The following SEMA6A variants were observed in gnomAD, a reference collection of about 807,000 sequenced individuals.
SEMA6A encodes the protein semaphorin 6A.
A neutral mutation model predicts 96.8 loss-of-function variants in SEMA6A; 25 were observed. That is an observed-to-expected ratio of 0.26 (90% confidence interval 0.19 to 0.36). The LOEUF (loss-of-function observed/expected upper bound fraction) is 0.36, where lower values mean the gene tolerates loss of function less well. Ranked by LOEUF, SEMA6A falls within the 10% of genes least tolerant of loss-of-function variation. The pLI is 1.00. For synonymous variants in SEMA6A, 612 were observed against 518.0 expected (o/e 1.18, Z -2.46); for missense variants, 1,363 against 1,323.1 (o/e 1.03, Z -0.47).
intron 18 of SEMA6A, among the ~76,000 whole-genome samples, chr5:116,457,933 G>C (rs1056636476): frequency 2.0e-5 from 3 of 152,122 alleles, no homozygotes; most frequent in Non-Finnish European, 4.4e-5. Flanking sequence ...GCGTGATGTA[G>C]TTAGTTTGAG....
chr5:116,463,910 C>A (rs953376128), intron 18 of SEMA6A, among the ~76,000 whole-genome samples: 1 of 152,206 alleles, frequency 6.6e-6, no homozygotes, highest in African/African-American at 2.4e-5. Flanking sequence ...ACACAGCTCT[C>A]TTGGCTGCTC....
intron 12 of SEMA6A, among the ~76,000 whole-genome samples, chr5:116,479,303 T>C (rs188291800): frequency 6.6e-6 from 1 of 152,212 alleles, no homozygotes; most frequent in Non-Finnish European, 1.5e-5. Context: ...TAAGTCCTAC[T>C]AGCAATTTGC....
intron 18 of SEMA6A, among the ~76,000 whole-genome samples, chr5:116,448,348 A>AAAAG (rs1393439062): frequency 6.6e-6 from 1 of 151,972 alleles, no homozygotes; most frequent in Admixed American, 6.6e-5. Context: ...CCGTTTCAAA[A>AAAAG]AAAGAAAGAA....
chr5:116,455,806 T>C, intron 18 of SEMA6A, among the ~76,000 whole-genome samples: 1 of 152,170 alleles, frequency 6.6e-6, no homozygotes, highest in East Asian at 1.9e-4. Flanking sequence ...TTTGAGCTCA[T>C]AAAGACCTGG....
intron 1 of SEMA6A, among the ~76,000 whole-genome samples, chr5:116,553,240 T>A (rs74437381): frequency 0.051 from 7,837 of 152,314 alleles, 259 homozygotes; most frequent in African/African-American, 0.088. Context: ...TACCTTTCAG[T>A]ACTTGAAAAT....
At chr5:116,535,530 C>T (rs1331632371) in intron 1 of SEMA6A, among the ~76,000 whole-genome samples, 1 of 152,004 alleles carries the variant, frequency 6.6e-6, no homozygotes, top group Non-Finnish European at 1.5e-5. Flanking sequence ...AAGGTAATAC[C>T]ACAGTTATGC....
At position 116,504,949 on chromosome 5, in the gene SEMA6A, G is replaced by T. The variant is rs757459469; in HGVS notation, c.-5C>A. On this transcript the variant is annotated 5_prime_UTR_variant, in exon 2 of 19. Coordinates refer to ENST00000343348, the MANE Select transcript of SEMA6A (RefSeq NM_020796.5). ...CAGCAAGGCTTCTGACCTCATAGTA[G>T]TTCAGCGGGGAGACTTTATTTCTCT... 5 of 1,574,594 alleles carry T rather than the reference G, an allele frequency of 3.2e-6. No individual in the cohort carries two copies. The highest frequency in any genetic ancestry group is 1.8e-5 in the Admixed American group (1 of 55,378).
chr5:116,467,552 C>T, intron 18 of SEMA6A, 31 bp downstream of exon 18: 1 of 1,586,768 alleles, frequency 6.3e-7, no homozygotes, highest in Non-Finnish European at 8.6e-7. Flanking sequence ...TCCCTCTCCC[C>T]CGAGAGGAAG....
chr5:116,568,881 G>T (rs1290439699), intron 1 of SEMA6A, among the ~76,000 whole-genome samples: 1 of 152,098 alleles, frequency 6.6e-6, no homozygotes, highest in Non-Finnish European at 1.5e-5. Flanking sequence ...ACACATGCAT[G>T]CATGAAGTAT....
chr5:116,517,964 C>T (rs925264910), intron 1 of SEMA6A, among the ~76,000 whole-genome samples: 2 of 152,342 alleles, frequency 1.3e-5, no homozygotes, highest in South Asian at 2.1e-4. Context: ...TGCCTGGTCA[C>T]GGCATTTTCC....
chr5:116,489,803 C>T (rs1025582861), intron 7 of SEMA6A, among the ~76,000 whole-genome samples: 1 of 152,182 alleles, frequency 6.6e-6, no homozygotes, highest in Admixed American at 6.5e-5. Context: ...AGTCTCTAGA[C>T]CTTTTTGGTT....
At chr5:116,503,050 T>A (rs796471221) in intron 2 of SEMA6A, among the ~76,000 whole-genome samples, 9 of 152,332 alleles carry the variant, frequency 5.9e-5, no homozygotes, top group African/African-American at 1.7e-4. Flanking sequence ...CACTTCTCTT[T>A]GGCTGAGAGT....
intron 1 of SEMA6A, among the ~76,000 whole-genome samples, chr5:116,546,199 G>A (rs1336791913): frequency 6.6e-6 from 1 of 152,192 alleles, no homozygotes; most frequent in African/African-American, 2.4e-5. Flanking sequence ...TTGCCCACAT[G>A]GCCTTGGGGC....
rs1756596866 is a variant in SEMA6A at position 116,478,730 on chromosome 5, G to C, written c.1251-12C>G. The C allele has an allele frequency of 2.4e-5, 38 of 1,609,688 alleles. No individual in the cohort carries two copies. The highest frequency in any genetic ancestry group is 3.2e-5 in the Non-Finnish European group (38 of 1,178,172). Reference sequence around the variant, plus strand: ...TGGTAAGGCGGTATCTAAAATGACAGGACCACATTTCTTATCTCTTTGTTG... The same window carrying C: ...TGGTAAGGCGGTATCTAAAATGACACGACCACATTTCTTATCTCTTTGTTG... On this transcript the variant is annotated splice_polypyrimidine_tract_variant and intron_variant, in intron 12 of 18. Transcript: ENST00000343348.
At chr5:116,520,859 A>G (rs1040486474) in intron 1 of SEMA6A, among the ~76,000 whole-genome samples, 1 of 152,172 alleles carries the variant, frequency 6.6e-6, no homozygotes, top group African/African-American at 2.4e-5. Flanking sequence ...CTTTCCTCCC[A>G]CGTAGTGAGG....
rs763716485 is a variant in SEMA6A, at chr5:116,488,896, C to A, written c.647G>T (p.Trp216Leu). ...TLRTVKHDSK[W>L]LKEPYFVQAV... ...TTTAATTGTTTGTTCACCTTTCAAC[C>A]ATTTTGAATCGTGCTTGACGGTCCG... is the stretch of plus-strand genomic sequence containing the variant. The change falls in exon 8 of 19, where the codon TGG (tryptophan) becomes TTG (leucine). Residue 216 changes from tryptophan to leucine, a missense_variant. Transcript: ENST00000343348. The A allele has an allele frequency of 6.4e-7, 1 of 1,571,700 alleles. No homozygotes were observed. The highest frequency in any genetic ancestry group is 1.3e-5 in the African/African-American group (1 of 74,278).
chr5:116,457,750 A>G (rs1411292539), intron 18 of SEMA6A, among the ~76,000 whole-genome samples: 5 of 152,144 alleles, frequency 3.3e-5, no homozygotes, highest in African/African-American at 1.2e-4. Context: ...CGTTTCCACA[A>G]TTTAAAGTGC....
chr5:116,459,227 C>T (rs1276417175), intron 18 of SEMA6A, among the ~76,000 whole-genome samples: 1 of 152,108 alleles, frequency 6.6e-6, no homozygotes, highest in African/African-American at 2.4e-5. Flanking sequence ...AGGAAAATGC[C>T]AGCGATGTGT....
In SEMA6A at chr5:116,467,630, G is replaced by T. The variant is rs776372192; in HGVS notation, c.1847C>A (p.Thr616Lys). 6 of 1,613,562 alleles carry T rather than the reference G, an allele frequency of 3.7e-6. No individual in the cohort carries two copies. In the Admixed American group the frequency reaches 1.0e-4, roughly 27 times the overall value. ...WKHLLDSPDS[T>K]DPLGAVSSHN... ...GGAAGACACTGCCCCCAAAGGGTCT[G>T]TGCTGTCAGGTGAGTCAAGCAGATG... Residue 616 changes from threonine (T) to lysine (K), a missense_variant, in exon 18 of 19, where the codon ACA becomes AAA. Transcript: ENST00000343348.
Sources: allele counts gnomAD v4.1 joint callset (sites outside exome capture counted in the v4.1 genomes callset), GRCh38; gene constraint gnomAD v4.1.1; transcripts MANE v1.5; gene names NCBI Gene and HGNC (gene_info 2026-07-23, HGNC 2026-07-21).